SUGCT: variants seen among roughly 807,000 people sequenced by gnomAD.
SUGCT encodes succinyl-CoA:glutarate CoA-transferase.
SUGCT carries 41 observed loss-of-function variants against 55.0 expected under a neutral mutation model. The ratio of observed to expected loss-of-function variants is 0.74; its 90% CI spans 0.58 to 0.97. The LOEUF (loss-of-function observed/expected upper bound fraction) is 0.97, where lower values mean the gene tolerates loss of function less well. Ranked by LOEUF, SUGCT falls within the 50% of genes least tolerant of loss-of-function variation. The probability of loss-of-function intolerance (pLI) is 0.00; values close to 1 mark genes in which losing one functional copy is unlikely to be tolerated. For synonymous variants in SUGCT, 187 were observed against 200.4 expected, an observed-to-expected ratio of 0.93 and a Z score of 0.56; for missense variants, 568 against 547.8, an observed-to-expected ratio of 1.04 and a Z score of -0.37.
At chr7:40,964,858 A>G in the SUGCT span, 2 of 152,198 alleles carry the variant, frequency 1.3e-5, no homozygotes, top group Non-Finnish European at 2.9e-5. Context: ...GTTCAGGACA[A>G]CATATCAGCC....
chr7:40,670,955 A>G (rs1801909906), intron 12 of SUGCT, among the ~76,000 whole-genome samples: 1 of 152,212 alleles, frequency 6.6e-6, no homozygotes, highest in South Asian at 2.1e-4. Flanking sequence ...AAAGAAAGCT[A>G]CAGACCATTA....
intron 11 of SUGCT, 108 bp downstream of exon 11, chr7:40,459,306 C>A (rs957546174): frequency 4.2e-6 from 3 of 722,560 alleles, no homozygotes; most frequent in South Asian, 2.1e-5. Context: ...ATTTGTAATT[C>A]TCTTCCATTT....
At chr7:40,969,025 G>A in the SUGCT span, among the ~76,000 whole-genome samples, 1 of 152,172 alleles carries the variant, frequency 6.6e-6, no homozygotes, top group South Asian at 2.1e-4. Flanking sequence ...GCTCCAGCCG[G>A]CCCCACGAGG....
chr7:40,402,220 GTGTGCTATTAA>G (rs1398127701), intron 9 of SUGCT, among the ~76,000 whole-genome samples: 4 of 151,664 alleles, frequency 2.6e-5, no homozygotes, highest in Non-Finnish European at 4.4e-5. Context: ...GTTCTAGAAC[GTGTGCTATTAA>G]GCATTCTGTA....
chr7:40,355,525 A>G (rs894682361), intron 9 of SUGCT, among the ~76,000 whole-genome samples: 3 of 152,216 alleles, frequency 2.0e-5, no homozygotes, highest in African/African-American at 7.2e-5. Context: ...GTAAGCAGCC[A>G]TATAGTCAAG....
chr7:40,446,508 T>G (rs751629622), intron 9 of SUGCT, among the ~76,000 whole-genome samples: 14 of 152,154 alleles, frequency 9.2e-5, no homozygotes, highest in Non-Finnish European at 1.5e-4. Flanking sequence ...GACACTAACT[T>G]TACTTTTGCC....
chr7:40,255,151 C>T (rs990056778), intron 7 of SUGCT, among the ~76,000 whole-genome samples: 40 of 149,600 alleles, frequency 2.7e-4, no homozygotes, highest in African/African-American at 4.4e-4. Context: ...CACTTGAACC[C>T]GGGAGGCAGA....
Position 40,194,835 on chromosome 7 carries a change from T to G in SUGCT, c.364-105T>G, listed in dbSNP as rs141334093. The G allele has an allele frequency of 6.0e-6, 8 of 1,332,970 alleles. No homozygotes were observed. The East Asian group carries it at 1.8e-4, about 30-fold the overall frequency. The allele number at this position is 1,332,970 out of a possible 1,614,324, so 82.6% of individuals were successfully genotyped here. On this transcript the variant is annotated intron_variant, in intron 5 of 13. Transcript: ENST00000335693. ...TAATTTGCTTCATCAGTCCTGTGAT[T>G]TTTCTGAGCTATTACAAAGGGAGAA...
At chr7:40,664,689 C>A (rs1230483540) in intron 12 of SUGCT, among the ~76,000 whole-genome samples, 4 of 152,068 alleles carry the variant, frequency 2.6e-5, no homozygotes, top group African/African-American at 7.2e-5. Context: ...TAATTAAAAT[C>A]TTTTTCTGGA....
intron 12 of SUGCT, among the ~76,000 whole-genome samples, chr7:40,610,140 G>A (rs930573462): frequency 6.6e-6 from 1 of 152,188 alleles, no homozygotes; most frequent in Non-Finnish European, 1.5e-5. Context: ...TCCTTCTGGA[G>A]TGGCTTGGGG....
the SUGCT span, among the ~76,000 whole-genome samples, chr7:41,030,811 C>T: frequency 6.6e-6 from 1 of 151,994 alleles, no homozygotes; most frequent in Non-Finnish European, 1.5e-5. Context: ...GGGAGTAGCC[C>T]AGGGTGGTGA....
intron 12 of SUGCT, among the ~76,000 whole-genome samples, chr7:40,617,396 A>G (rs1196649170): frequency 6.6e-6 from 1 of 152,040 alleles, no homozygotes; most frequent in East Asian, 1.9e-4. Flanking sequence ...CTTTTGACAT[A>G]TTTTTGAAGA....
intron 11 of SUGCT, among the ~76,000 whole-genome samples, chr7:40,475,200 A>G (rs1232391536): frequency 6.6e-6 from 1 of 152,194 alleles, no homozygotes; most frequent in African/African-American, 2.4e-5. Flanking sequence ...GTTTAAACCA[A>G]CATGATTGCT....
chr7:40,450,505 T>G (rs1221194097), intron 10 of SUGCT, among the ~76,000 whole-genome samples: 6 of 151,882 alleles, frequency 4.0e-5, no homozygotes, highest in Non-Finnish European at 5.9e-5. Context: ...CCAGGCGCAG[T>G]GGCTCATGCC....
chr7:40,228,550 G>A (rs1468632475), intron 6 of SUGCT, among the ~76,000 whole-genome samples: 4 of 151,980 alleles, frequency 2.6e-5, no homozygotes, highest in Non-Finnish European at 5.9e-5. Flanking sequence ...ATACTTCATA[G>A]AAGGTGGTGT....
At chr7:40,650,055 TG>T (rs1366087471) in intron 12 of SUGCT, among the ~76,000 whole-genome samples, 1 of 152,120 alleles carries the variant, frequency 6.6e-6, no homozygotes, top group Admixed American at 6.6e-5. Flanking sequence ...AAGGTTCAAA[TG>T]GGGGGAATTT....
intron 11 of SUGCT, among the ~76,000 whole-genome samples, chr7:40,490,068 G>A (rs1791598576): frequency 1.3e-5 from 2 of 152,342 alleles, no homozygotes; most frequent in East Asian, 1.9e-4. Flanking sequence ...ACCATGGCCA[G>A]TGCCACCCAG....
chr7:40,222,991 TTCCTTCCTTCC>T (rs1788112323), intron 6 of SUGCT, among the ~76,000 whole-genome samples: 2 of 36,000 alleles, frequency 5.6e-5, no homozygotes, highest in African/African-American at 1.3e-4. Context: ...ATTTCTTTCC[TTCCTTCCTTCC>T]TTCCTTCCTT....
the SUGCT span, among the ~76,000 whole-genome samples, chr7:41,026,491 T>C: frequency 6.6e-6 from 1 of 152,204 alleles, no homozygotes; most frequent in East Asian, 1.9e-4. Context: ...GCTGCATTCA[T>C]CTTGACACTG....
Sources: gnomAD v4.1 joint callset for allele counts (sites outside exome capture counted in the v4.1 genomes callset) on GRCh38, gnomAD v4.1.1 for gene constraint, MANE v1.5 for transcripts, NCBI Gene and HGNC (gene_info 2026-07-23, HGNC 2026-07-21) for gene names.